Variants in ATP11A observed in about 807,000 individuals in gnomAD.
ATP11A encodes ATPase phospholipid transporting 11A, also known as phospholipid-transporting ATPase IH.
A neutral mutation model predicts 154.4 loss-of-function variants in ATP11A; 81 were observed. The observed-to-expected ratio is 0.52, with a 90% CI of 0.44 to 0.63. The LOEUF (loss-of-function observed/expected upper bound fraction) is 0.63, where lower values mean the gene tolerates loss of function less well. Ranked by LOEUF, ATP11A falls within the 30% of genes least tolerant of loss-of-function variation. ATP11A has a pLI of 0.00. For synonymous variants in ATP11A, 623 were observed against 585.9 expected (o/e 1.06, Z -0.91); for missense variants, 1,316 against 1,474.3 (o/e 0.89, Z 1.76).
At chr13:112,735,949 T>G (rs1443436085) in intron 1 of ATP11A, among the ~76,000 whole-genome samples, 1 of 151,920 alleles carries the variant, frequency 6.6e-6, no homozygotes, top group African/African-American at 2.4e-5. Flanking sequence ...CCGGGCCACC[T>G]CCCGCACCTC....
At position 112,860,712 on chromosome 13, in the gene ATP11A, C is replaced by T. The variant is rs910449909; in HGVS notation, c.2855+298C>T. 6 of 255,420 alleles carry T rather than the reference C, an allele frequency of 2.3e-5. No individual in the cohort carries two copies. In the South Asian group the frequency reaches 3.2e-4, roughly 14 times the overall value. 15.8% of individuals were successfully genotyped at this position (255,420 alleles called of 1,614,324 possible). A position where few individuals can be genotyped will look rare whatever the true frequency, so the allele number is the denominator to read the frequency against. ...GGAGCTGGGGTACAAGCGTCTTCCT[C>T]GTTGTGACCCTAGGGAATCTGTGGC... On this transcript the variant is annotated intron_variant, in intron 24 of 29. Transcript: ENST00000375645.
intron 25 of ATP11A, among the ~76,000 whole-genome samples, chr13:112,863,463 G>A (rs374332199): frequency 1.8e-3 from 191 of 108,656 alleles, no homozygotes; most frequent in Middle Eastern, 0.018. Context: ...CACCACCTGC[G>A]CAGTAATTCA....
chr13:112,779,240 G>GGAGT (rs2077435036), intron 1 of ATP11A, among the ~76,000 whole-genome samples: 1 of 119,896 alleles, frequency 8.3e-6, no homozygotes, highest in Admixed American at 8.5e-5. Flanking sequence ...AGTAGCCACT[G>GGAGT]GAGTAGCCGC....
At chr13:112,857,296 A>C (rs2140346593) in intron 20 of ATP11A, among the ~76,000 whole-genome samples, 1 of 152,344 alleles carries the variant, frequency 6.6e-6, no homozygotes, top group Non-Finnish European at 1.5e-5. Context: ...TTTTTACATA[A>C]AATTGTCATA....
intron 25 of ATP11A, among the ~76,000 whole-genome samples, chr13:112,866,359 A>T (rs902468553): frequency 6.6e-6 from 1 of 152,132 alleles, no homozygotes; most frequent in Non-Finnish European, 1.5e-5. Context: ...CCTGACGCAC[A>T]TCCTTGCTGT....
intron 1 of ATP11A, among the ~76,000 whole-genome samples, chr13:112,693,680 G>A (rs148204837): frequency 2.0e-5 from 3 of 152,210 alleles, no homozygotes; most frequent in Non-Finnish European, 2.9e-5. Flanking sequence ...GGCCAGGCGC[G>A]GTGGCTCATG....
In ATP11A at chr13:112,882,534, G is replaced by A. The variant is rs534423715; in HGVS notation, c.*668G>A. 1.5e-5 allele frequency: 7 copies of A among 452,392 alleles called. No homozygotes were observed. The South Asian group carries it at 5.0e-4, about 32-fold the overall frequency. 28.0% of individuals were successfully genotyped at this position (452,392 alleles called of 1,614,324 possible). On this transcript the variant is annotated 3_prime_UTR_variant, in exon 30 of 30. Transcript: ENST00000375645. The surrounding 1 kb of genome is among the most constrained non-coding windows in gnomAD (Gnocchi z 5.1). ...CTCGGATACCATCATCCCTGCGGAT[G>A]CACCGCCGTACCCTGCTCATCTGGG...
At chr13:112,787,920 A>T (rs2077697580) in intron 2 of ATP11A, among the ~76,000 whole-genome samples, 1 of 147,358 alleles carries the variant, frequency 6.8e-6, no homozygotes, top group South Asian at 2.2e-4. Context: ...CCTTGCGGAG[A>T]CCTACTTAAT....
At chr13:112,818,248 GCGC>G in intron 6 of ATP11A, among the ~76,000 whole-genome samples, 1 of 151,032 alleles carries the variant, frequency 6.6e-6, no homozygotes, top group African/African-American at 2.4e-5. Context: ...GACCGTTGGT[GCGC>G]TTGGTGACGG....
intron 8 of ATP11A, 124 bp from the exon 9 acceptor site, chr13:112,823,221 A>G: frequency 1.4e-6 from 1 of 737,638 alleles, no homozygotes; most frequent in South Asian, 1.6e-5. Context: ...ACCTCCGTGT[A>G]TGCCATCTCC....
In ATP11A at chr13:112,882,766, T is replaced by TA. The variant is rs1287498106; in HGVS notation, c.*901dup. ...GGGCACGGAGCCGTCAGTCCACTGTTACGGGAGAATGTTGATTTCGCGGGT... is the reference window on the plus strand; with the variant it reads ...GGGCACGGAGCCGTCAGTCCACTGTTAACGGGAGAATGTTGATTTCGCGGGT... On this transcript the variant is annotated 3_prime_UTR_variant, in exon 30 of 30. Transcript: ENST00000375645. This position sits in a 1 kb window ranked among gnomAD's most constrained non-coding sequence, Gnocchi z 5.1. 1 of 399,358 alleles carries TA rather than the reference T, an allele frequency of 2.5e-6. No individual in the cohort carries two copies. The highest frequency in any genetic ancestry group is 2.1e-5 in the African/African-American group (1 of 48,640). 24.7% of individuals were successfully genotyped at this position (399,358 alleles called of 1,614,324 possible). A position where few individuals can be genotyped will look rare whatever the true frequency, so the allele number is the denominator to read the frequency against.
rs182514414 is a variant in ATP11A at position 112,884,745 on chromosome 13, C to T, written c.*2879C>T. On this transcript the variant is annotated 3_prime_UTR_variant, in exon 30 of 30. Coordinates refer to ENST00000375645, the MANE Select transcript of ATP11A (RefSeq NM_015205.3). Reference sequence around the variant, plus strand: ...TCAGAGACACGGTCACTGATTCACACCCAGTCCCTGCCACAGACCGTCTCA... The same window carrying T: ...TCAGAGACACGGTCACTGATTCACATCCAGTCCCTGCCACAGACCGTCTCA... The T allele has an allele frequency of 2.0e-5, 3 of 152,396 alleles. No homozygotes were observed. Among genetic ancestry groups the T allele is most frequent in the African/African-American group, 7.2e-5 (3 of 41,524 alleles). The allele number at this position is 152,396 out of a possible 1,614,324, so 9.4% of individuals were successfully genotyped here.
At chr13:112,769,779 A>G (rs1359292834) in intron 1 of ATP11A, among the ~76,000 whole-genome samples, 1 of 152,150 alleles carries the variant, frequency 6.6e-6, no homozygotes, top group Non-Finnish European at 1.5e-5. Context: ...GTCCTGAGAG[A>G]GGCACCGTGA....
At chr13:112,789,295 C>G (rs984660731) in intron 2 of ATP11A, among the ~76,000 whole-genome samples, 2 of 150,382 alleles carry the variant, frequency 1.3e-5, no homozygotes, top group African/African-American at 4.9e-5. Flanking sequence ...TAATCCACAC[C>G]AGGTGTCCTG....
intron 1 of ATP11A, among the ~76,000 whole-genome samples, chr13:112,782,811 A>G (rs1359243433): frequency 6.6e-6 from 1 of 152,158 alleles, no homozygotes; most frequent in Non-Finnish European, 1.5e-5. Context: ...GCTCGCGGGG[A>G]GGCCACGACC....
chr13:112,834,638 AAC>A lies in ATP11A; in HGVS notation c.1611_1612del (p.Asn537LysfsTer9). The A allele has an allele frequency of 6.2e-7, 1 of 1,613,956 alleles. No individual in the cohort carries two copies. ...RLKDNYMEIL[N>X]RENHIERFEL... The stretch of plus-strand genomic sequence containing the variant: ...GAAGGACAATTACATGGAGATATTA[AAC>A]AGGGAGAACCACATCGAAAGGTATG... On this transcript the variant is annotated frameshift_variant, in exon 15 of 30. Coordinates refer to ENST00000375645, the MANE Select transcript of ATP11A (RefSeq NM_015205.3). LOFTEE classifies it high-confidence loss of function.
chr13:112,775,390 C>A (rs560617890), intron 1 of ATP11A, among the ~76,000 whole-genome samples: 16 of 152,146 alleles, frequency 1.1e-4, no homozygotes, highest in Admixed American at 6.5e-4. Context: ...CTTCCACAGT[C>A]GGGGGGCCGC....
At position 112,883,823 on chromosome 13, in the gene ATP11A, G is replaced by A. The variant is rs889242302; in HGVS notation, c.*1957G>A. On this transcript the variant is annotated 3_prime_UTR_variant, in exon 30 of 30. Coordinates refer to ENST00000375645, the MANE Select transcript of ATP11A (RefSeq NM_015205.3). ...TGCCCCCGCAAACAATGGTGTGTGC[G>A]TTTTTACAGCCCTTTTTAGGAACCC... The A allele has an allele frequency of 5.9e-5, 9 of 152,496 alleles. No individual in the cohort carries two copies. The highest frequency in any genetic ancestry group is 9.7e-5 in the African/African-American group (4 of 41,432). The allele number at this position is 152,496 out of a possible 1,614,324, so 9.4% of individuals were successfully genotyped here. A position where few individuals can be genotyped will look rare whatever the true frequency, so the allele number is the denominator to read the frequency against.
intron 6 of ATP11A, among the ~76,000 whole-genome samples, chr13:112,816,522 C>A (rs1338991787): frequency 1.3e-5 from 2 of 152,108 alleles, no homozygotes; most frequent in Non-Finnish European, 2.9e-5. Context: ...CACTGATTTC[C>A]CATTCTCTCC....
Sources: gnomAD v4.1 joint callset for allele counts (sites outside exome capture counted in the v4.1 genomes callset) on GRCh38, gnomAD v4.1.1 for gene constraint, Gnocchi (gnomAD v3.1) non-coding constraint, MANE v1.5 for transcripts, NCBI Gene and HGNC (gene_info 2026-07-23, HGNC 2026-07-21) for gene names.